Variants in ANKFN1 observed in about 807,000 individuals in gnomAD.
ANKFN1 encodes the protein ankyrin repeat and fibronectin type III domain containing 1.
In ANKFN1, 74 loss-of-function variants were observed where a neutral mutation model predicts 108.7. The observed-to-expected ratio is 0.68, with a 90% CI of 0.56 to 0.83. The LOEUF is 0.83. ANKFN1 is among the 40% of genes least tolerant of loss of function. ANKFN1 has a pLI of 0.00. For missense variants in ANKFN1, 1,505 were observed against 1,382.3 expected (o/e 1.09, Z -1.41); for synonymous variants, 547 against 516.2 (o/e 1.06, Z -0.81).
At chr17:56,316,283 T>C (rs1360409315) in intron 3 of ANKFN1, among the ~76,000 whole-genome samples, 1 of 152,152 alleles carries the variant, frequency 6.6e-6, no homozygotes, top group African/African-American at 2.4e-5. Context: ...ATTCTCACTG[T>C]GATTAATTAC....
chr17:56,105,713 G>GTGTGTA (rs1905737863), intron 4 of ANKFN1, among the ~76,000 whole-genome samples: 1 of 112,092 alleles, frequency 8.9e-6, no homozygotes, highest in Non-Finnish European at 1.7e-5. Context: ...TTTTTTGTCT[G>GTGTGTA]TGTGTGTGTG....
At chr17:56,270,242 C>T (rs1308305512) in intron 3 of ANKFN1, among the ~76,000 whole-genome samples, 3 of 152,138 alleles carry the variant, frequency 2.0e-5, no homozygotes, top group Non-Finnish European at 4.4e-5. Context: ...GCTCCATAGT[C>T]ACGGGGCTTC....
chr17:56,489,496 T>A (rs2050963081), intron 18 of ANKFN1, among the ~76,000 whole-genome samples: 1 of 150,290 alleles, frequency 6.7e-6, no homozygotes, highest in African/African-American at 2.4e-5. Flanking sequence ...ACTGAAGCGT[T>A]ATAGTTGAAA....
At chr17:56,178,107 G>A (rs1173785390) in intron 1 of ANKFN1, among the ~76,000 whole-genome samples, 2 of 152,062 alleles carry the variant, frequency 1.3e-5, no homozygotes, top group Non-Finnish European at 2.9e-5. Flanking sequence ...TACCAACTTT[G>A]TCTTCACCAA....
chr17:56,337,165 C>A (rs192896154), intron 4 of ANKFN1, among the ~76,000 whole-genome samples: 1 of 151,958 alleles, frequency 6.6e-6, no homozygotes, highest in Non-Finnish European at 1.5e-5. Flanking sequence ...GGAATAAGTG[C>A]GATGTGGTGC....
At chr17:56,431,422 C>A (rs980082) in intron 8 of ANKFN1, among the ~76,000 whole-genome samples, 120,743 of 152,120 alleles carry the variant, frequency 0.79, 48,185 homozygotes, top group East Asian at 0.96. Flanking sequence ...AATAATATGA[C>A]CTAAGGCTCA....
chr17:56,374,488 CACAA>C, intron 7 of ANKFN1, 109 bp from the exon 8 acceptor site: 1 of 792,110 alleles, frequency 1.3e-6, no homozygotes, highest in Non-Finnish European at 2.1e-6. Context: ...TATTAGGCTC[CACAA>C]ACAAATGTTT....
At chr17:56,342,721 T>C (rs2045991193) in intron 4 of ANKFN1, among the ~76,000 whole-genome samples, 1 of 152,122 alleles carries the variant, frequency 6.6e-6, no homozygotes, top group South Asian at 2.1e-4. Flanking sequence ...AATTATGTGA[T>C]CAATTTTAGA....
chr17:56,185,693 T>C (rs949298941), intron 1 of ANKFN1, among the ~76,000 whole-genome samples: 3 of 152,292 alleles, frequency 2.0e-5, no homozygotes, highest in Non-Finnish European at 4.4e-5. Context: ...AAGAGAATGG[T>C]GAAATCATTC....
rs531176451 is a variant in ANKFN1, at chr17:56,434,878, G to T, written c.911-5449G>T. Among the ~76,000 whole-genome samples, 509 of 152,234 alleles carry T rather than the reference G, an allele frequency of 3.3e-3. 1 individual carries two copies. The highest frequency in any genetic ancestry group is 0.012 in the African/African-American group (486 of 41,510). On this transcript the variant is annotated intron_variant, in intron 8 of 20. Transcript: ENST00000682825. ...CGGGGGAAGATTTCATAATGCTCTG[G>T]TGCTGGGTTGGGCAGTCTAGCCAAA...
Position 56,494,598 on chromosome 17 carries a change from G to A in ANKFN1, c.2427+2245G>A, listed in dbSNP as rs187068119. On this transcript the variant is annotated intron_variant, in intron 19 of 20. Coordinates refer to ENST00000682825, the MANE Select transcript of ANKFN1 (RefSeq NM_001370326.1). ...ATAAAAAATAAAAAGAAGTCAAGGA[G>A]CACACATTTTTAGTCCCAAATCTTC... is the stretch of plus-strand genomic sequence containing the variant. 2.5e-3 allele frequency among the ~76,000 whole-genome samples: 384 copies of A among 152,086 alleles called. 1 individual carries two copies. The highest frequency in any genetic ancestry group is 2.3e-3 in the Non-Finnish European group (156 of 67,942).
intron 4 of ANKFN1, among the ~76,000 whole-genome samples, chr17:56,073,780 T>C (rs1429467893): frequency 6.6e-6 from 1 of 152,250 alleles, no homozygotes; most frequent in Admixed American, 6.5e-5. Context: ...TATTTGTGTC[T>C]GATCTGTTTC....
At chr17:56,178,929 C>T (rs74781202) in intron 1 of ANKFN1, among the ~76,000 whole-genome samples, 12,508 of 152,108 alleles carry the variant, frequency 0.082, 581 homozygotes, top group South Asian at 0.14. Context: ...TTATTTTCTA[C>T]GCAATATTCT....
chr17:56,270,784 G>A (rs927557493), intron 3 of ANKFN1, among the ~76,000 whole-genome samples: 5 of 152,064 alleles, frequency 3.3e-5, no homozygotes, highest in Admixed American at 6.6e-5. Context: ...CAGTTTCAGG[G>A]TCTTTTTGTT....
At chr17:56,053,711 T>A (rs535719176) in intron 4 of ANKFN1, among the ~76,000 whole-genome samples, 1 of 152,294 alleles carries the variant, frequency 6.6e-6, no homozygotes, top group South Asian at 2.1e-4. Flanking sequence ...ATTTTTAGTT[T>A]TTTTTGAGGA....
intron 8 of ANKFN1, among the ~76,000 whole-genome samples, chr17:56,430,460 TA>T (rs996942444): frequency 3.4e-5 from 5 of 148,084 alleles, no homozygotes; most frequent in South Asian, 2.1e-4. Flanking sequence ...CATTGTCTAC[TA>T]AAAAAAATTT....
chr17:56,295,031 A>C (rs2044466988), intron 3 of ANKFN1, among the ~76,000 whole-genome samples: 1 of 152,222 alleles, frequency 6.6e-6, no homozygotes, highest in Non-Finnish European at 1.5e-5. Flanking sequence ...CAGGTAACAA[A>C]GAAGCCAATA....
At chr17:56,225,237 G>C (rs546208689) in intron 2 of ANKFN1, among the ~76,000 whole-genome samples, 3 of 152,154 alleles carry the variant, frequency 2.0e-5, no homozygotes, top group East Asian at 3.9e-4. Flanking sequence ...GCCTTCTTAT[G>C]TCCTGCTCTA....
intron 4 of ANKFN1, among the ~76,000 whole-genome samples, chr17:56,062,497 G>A (rs1452229731): frequency 6.7e-6 from 1 of 150,100 alleles, no homozygotes; most frequent in Non-Finnish European, 1.5e-5. Context: ...GCCCTTCTTT[G>A]TCTTTTCTGA....
Sources: allele counts gnomAD v4.1 joint callset (sites outside exome capture counted in the v4.1 genomes callset), GRCh38; gene constraint gnomAD v4.1.1; transcripts MANE v1.5; gene names NCBI Gene and HGNC (gene_info 2026-07-23, HGNC 2026-07-21).